DGKZ: variants seen among roughly 807,000 people sequenced by gnomAD.
DGKZ encodes the protein diacylglycerol kinase zeta, also known as DAG kinase zeta.
In DGKZ, 45 loss-of-function variants were observed where a neutral mutation model predicts 142.5. That is an observed-to-expected ratio of 0.32 (90% CI 0.25 to 0.40). The LOEUF is 0.40. Ranked by LOEUF, DGKZ falls within the 10% of genes least tolerant of loss-of-function variation. The pLI is 1.00. For missense variants in DGKZ, 755 were observed against 1,306.5 expected (o/e 0.58, Z 6.51); for synonymous variants, 442 against 527.0 (o/e 0.84, Z 2.21).
chr11:46,353,111 C>G (rs1292169200), intron 1 of DGKZ, among the ~76,000 whole-genome samples: 1 of 152,222 alleles, frequency 6.6e-6, no homozygotes, highest in African/African-American at 2.4e-5. Flanking sequence ...TGATTAACAG[C>G]TGCCAGAAGC....
chr11:46,378,412 G>A (rs1408370402), intron 26 of DGKZ, 45 bp from the exon 27 acceptor site: 1 of 1,565,264 alleles, frequency 6.4e-7, no homozygotes, highest in Non-Finnish European at 8.7e-7. Context: ...ACCAACCCAA[G>A]CCCAGGCCTC....
intron 1 of DGKZ, among the ~76,000 whole-genome samples, chr11:46,364,036 G>GATT (rs1183521480): frequency 6.6e-6 from 1 of 152,232 alleles, no homozygotes; most frequent in African/African-American, 2.4e-5. Flanking sequence ...GATTACACGA[G>GATT]ATGATAAAGT....
In DGKZ at chr11:46,333,384, CA is replaced by C; in HGVS notation, c.110del (p.Gln37ArgfsTer99). 1 of 1,426,054 alleles carries C rather than the reference CA, an allele frequency of 7.0e-7. No individual in the cohort carries two copies. Among genetic ancestry groups the C allele is most frequent in the Non-Finnish European group, 9.1e-7 (1 of 1,098,404 alleles). 88.3% of individuals were successfully genotyped at this position (1,426,054 alleles called of 1,614,324 possible). A position where few individuals can be genotyped will look rare whatever the true frequency, so the allele number is the denominator to read the frequency against. On this transcript the variant is annotated frameshift_variant, in exon 1 of 31. Transcript: ENST00000343674. LOFTEE classifies it high-confidence loss of function. ...GCGATGCCGGCGCGGGGAGGAGGCC[CA>C]GGTCGCGCAGCCCTGGCCCGAGGGT... is the stretch of plus-strand genomic sequence containing the variant.
In DGKZ at chr11:46,357,773, C is replaced by T. The variant is rs1000932599; in HGVS notation, c.162-9518C>T. ...TGGCAGGGGAGCCAAATGGGCAGTG[C>T]GGAGCTGTGAGTAGGAGGGGTGTTC... On this transcript the variant is annotated intron_variant, in intron 1 of 30. Transcript: ENST00000527911. Among the ~76,000 whole-genome samples, 8 of 152,192 alleles carry T rather than the reference C, an allele frequency of 5.3e-5. No homozygotes were observed. The South Asian group carries it at 6.2e-4, about 12-fold the overall frequency.
In DGKZ at chr11:46,378,029, TCCTC is replaced by T. The variant is rs144087192; in HGVS notation, c.2343-168_2343-165del. 4,982 of 792,390 alleles carry T rather than the reference TCCTC, an allele frequency of 6.3e-3. 164 individuals carry two copies. In the African/African-American group the frequency reaches 0.076, roughly 12 times the overall value. 49.1% of individuals were successfully genotyped at this position (792,390 alleles called of 1,614,324 possible). ...TGTAAGCTCCATGAGGGCAAGGCCTTCCTCTGTCTCGTTTCCCTGCTGTATCCCC... is the reference window on the plus strand; with the variant it reads ...TGTAAGCTCCATGAGGGCAAGGCCTTTGTCTCGTTTCCCTGCTGTATCCCC... On this transcript the variant is annotated intron_variant, in intron 25 of 30. Transcript: ENST00000527911.
intron 1 of DGKZ, among the ~76,000 whole-genome samples, chr11:46,339,745 G>C (rs531766522): frequency 1.8e-4 from 27 of 152,384 alleles, no homozygotes; most frequent in African/African-American, 6.5e-4. Flanking sequence ...TGCTGAGATG[G>C]TGGCCTGTGG....
chr11:46,380,017 G>C (rs1191962472), exon 31 of DGKZ: 34 of 1,434,224 alleles, frequency 2.4e-5, no homozygotes, highest in Non-Finnish European at 3.1e-5. Context: ...CCACCTCACT[G>C]CCACATTCCA....
chr11:46,346,325 G>A (rs1044804399), upstream of DGKZ, among the ~76,000 whole-genome samples: 1 of 152,212 alleles, frequency 6.6e-6, no homozygotes, highest in Non-Finnish European at 1.5e-5. Flanking sequence ...GGCAGCTGGT[G>A]TGGGCAGCAG....
Position 46,363,186 on chromosome 11 carries a change from G to C in DGKZ, c.162-4105G>C, listed in dbSNP as rs148631927. Among the ~76,000 whole-genome samples the C allele has an allele frequency of 1.8e-3, 272 of 152,364 alleles. 1 individual carries two copies. Among genetic ancestry groups the C allele is most frequent in the African/African-American group, 6.2e-3 (257 of 41,584 alleles). On this transcript the variant is annotated intron_variant, in intron 1 of 30. Coordinates refer to ENST00000527911, the Ensembl canonical transcript of DGKZ. ...CAGGGCGGGCTCCAACAAGGCCCAG[G>C]AGAAGCCCCAGCAGAGATAGGAAGT...
Sources: gnomAD v4.1 joint callset for allele counts (sites outside exome capture counted in the v4.1 genomes callset) on GRCh38, gnomAD v4.1.1 for gene constraint, MANE v1.5 for transcripts, NCBI Gene and HGNC (gene_info 2026-07-23, HGNC 2026-07-21) for gene names.